The following FOXJ3 variants were observed in gnomAD, a reference collection of about 807,000 sequenced individuals.
FOXJ3 encodes the protein forkhead box J3, also known as forkhead box protein J3.
A neutral mutation model predicts 76.1 loss-of-function variants in FOXJ3; 22 were observed. That is an observed-to-expected ratio of 0.29 (90% CI 0.21 to 0.41). The LOEUF is 0.41. Among genes scored for constraint, FOXJ3 ranks in the 10% least tolerant of loss-of-function variants. The probability of loss-of-function intolerance (pLI) is 1.00; values close to 1 mark genes in which losing one functional copy is unlikely to be tolerated. For synonymous variants in FOXJ3, 269 were observed against 261.2 expected, an observed-to-expected ratio of 1.03 and a Z score of -0.29; for missense variants, 613 against 762.1, an observed-to-expected ratio of 0.80 and a Z score of 2.30.
chr1:42,248,093 C>T (rs1162087376), intron 4 of FOXJ3, among the ~76,000 whole-genome samples: 3 of 152,006 alleles, frequency 2.0e-5, no homozygotes, highest in African/African-American at 7.3e-5. Flanking sequence ...GTAGTGGTTG[C>T]CAGGAACTTG....
intron 4 of FOXJ3, among the ~76,000 whole-genome samples, chr1:42,256,117 G>A (rs2124594308): frequency 6.6e-6 from 1 of 152,256 alleles, no homozygotes; most frequent in South Asian, 2.1e-4. Context: ...TTTGCAATGG[G>A]CCTAAATGCA....
intron 4 of FOXJ3, among the ~76,000 whole-genome samples, chr1:42,249,442 T>C (rs1390591823): frequency 6.6e-6 from 1 of 152,142 alleles, no homozygotes; most frequent in Non-Finnish European, 1.5e-5. Context: ...AAATTTAAAG[T>C]AGATGTGAAT....
At chr1:42,247,628 T>G (rs1649654870) in intron 4 of FOXJ3, among the ~76,000 whole-genome samples, 1 of 152,158 alleles carries the variant, frequency 6.6e-6, no homozygotes, top group Non-Finnish European at 1.5e-5. Flanking sequence ...AAAAAAGACA[T>G]TTAATAACTA....
chr1:42,255,937 G>A (rs1377958119), intron 4 of FOXJ3, among the ~76,000 whole-genome samples: 7 of 152,180 alleles, frequency 4.6e-5, no homozygotes, highest in Non-Finnish European at 8.8e-5. Context: ...CAGAAGAATC[G>A]CTTGAACCTG....
intron 3 of FOXJ3, among the ~76,000 whole-genome samples, chr1:42,277,929 A>G (rs1652408636): frequency 6.7e-6 from 1 of 149,492 alleles, no homozygotes; most frequent in Non-Finnish European, 1.5e-5. Flanking sequence ...GTGAGCCAAG[A>G]TCGCGCCACT....
chr1:42,217,067 G>A (rs1056796295), intron 5 of FOXJ3, among the ~76,000 whole-genome samples: 1 of 152,052 alleles, frequency 6.6e-6, no homozygotes, highest in Admixed American at 6.6e-5. Context: ...GGGGAGGAGA[G>A]GAACAGGAAA....
chr1:42,307,047 G>C lies in FOXJ3; in HGVS notation c.44+4003C>G, dbSNP rs568542262. Among the ~76,000 whole-genome samples the C allele has an allele frequency of 2.0e-5, 3 of 152,210 alleles. No homozygotes were observed. The East Asian group carries it at 5.8e-4, about 29-fold the overall frequency. On this transcript the variant is annotated intron_variant, in intron 2 of 12. Transcript: ENST00000361346. ...CTGGCTTCCTATAAAGCTCTCCCAA[G>C]AAGAGGCACTAAAGATGGACTGAAA...
intron 4 of FOXJ3, among the ~76,000 whole-genome samples, chr1:42,252,213 T>G (rs1650146224): frequency 6.6e-6 from 1 of 152,192 alleles, no homozygotes; most frequent in African/African-American, 2.4e-5. Context: ...AGTTCCTCCT[T>G]GTATCTCTGG....
At chr1:42,223,579 C>T (rs965630152) in intron 5 of FOXJ3, among the ~76,000 whole-genome samples, 1 of 152,176 alleles carries the variant, frequency 6.6e-6, no homozygotes, top group Non-Finnish European at 1.5e-5. Context: ...CACTTTCGCA[C>T]CAAAATTACT....
chr1:42,223,481 C>G (rs1419839512), intron 5 of FOXJ3, among the ~76,000 whole-genome samples: 3 of 152,146 alleles, frequency 2.0e-5, no homozygotes. Flanking sequence ...TCAATTATGC[C>G]CACCTGTACT....
chr1:42,247,942 T>C (rs1209188051), intron 4 of FOXJ3, among the ~76,000 whole-genome samples: 2 of 152,206 alleles, frequency 1.3e-5, no homozygotes, highest in Non-Finnish European at 2.9e-5. Flanking sequence ...TGAAGTACTA[T>C]TACATGCTAC....
chr1:42,307,460 G>A (rs1654537685), intron 2 of FOXJ3, among the ~76,000 whole-genome samples: 2 of 152,258 alleles, frequency 1.3e-5, no homozygotes, highest in South Asian at 2.1e-4. Flanking sequence ...CTATCTTTGT[G>A]ATACTTTAGT....
At chr1:42,310,410 C>G (rs1654732022) in intron 2 of FOXJ3, among the ~76,000 whole-genome samples, 1 of 150,890 alleles carries the variant, frequency 6.6e-6, no homozygotes, top group Non-Finnish European at 1.5e-5. Flanking sequence ...TCCCAAAGTG[C>G]TAGGATTACA....
At chr1:42,297,461 G>A (rs1392341693) in intron 2 of FOXJ3, among the ~76,000 whole-genome samples, 1 of 152,008 alleles carries the variant, frequency 6.6e-6, no homozygotes, top group Non-Finnish European at 1.5e-5. Flanking sequence ...GTTTATTGAG[G>A]GTTGTTATGA....
chr1:42,278,229 A>G, intron 3 of FOXJ3, 119 bp downstream of exon 3: 1 of 790,904 alleles, frequency 1.3e-6, no homozygotes, highest in Non-Finnish European at 2.0e-6. Context: ...ACATCCTAAA[A>G]ATCACTAGAG....
chr1:42,327,234 C>T (rs1406296031), intron 1 of FOXJ3, among the ~76,000 whole-genome samples: 1 of 152,172 alleles, frequency 6.6e-6, no homozygotes, highest in Admixed American at 6.5e-5. Context: ...GGGACAATAC[C>T]ATCACCAGTT....
Position 42,237,949 on chromosome 1 carries a change from GAC to G in FOXJ3, c.445-9985_445-9984del, listed in dbSNP as rs767663318. Among the ~76,000 whole-genome samples, 562 of 149,640 alleles carry G rather than the reference GAC, an allele frequency of 3.8e-3. 3 individuals are homozygous for G. Among genetic ancestry groups the G allele is most frequent in the Non-Finnish European group, 4.0e-3 (267 of 66,980 alleles). ...ACACACACACACACACATATATATAGACACACACACATATATATATGACAGTC... is the reference window on the plus strand; with the variant it reads ...ACACACACACACACACATATATATAGACACACACATATATATATGACAGTC... On this transcript the variant is annotated intron_variant, in intron 4 of 12. Transcript: ENST00000361346.
Sources: allele counts gnomAD v4.1 joint callset (sites outside exome capture counted in the v4.1 genomes callset), GRCh38; gene constraint gnomAD v4.1.1; transcripts MANE v1.5; gene names NCBI Gene and HGNC (gene_info 2026-07-23, HGNC 2026-07-21).